Variants in NDUFS4 observed in about 807,000 individuals in gnomAD.
The protein encoded by NDUFS4 is NADH dehydrogenase [ubiquinone] iron-sulfur protein 4, mitochondrial.
Under a neutral mutation model 24.3 loss-of-function variants are expected in NDUFS4, and 28 were observed. The observed-to-expected ratio is 1.15, with a 90% CI of 0.85 to 1.58. The LOEUF is 1.58. NDUFS4 is among the 40% of genes most tolerant of loss of function. The pLI is 0.00. For synonymous variants in NDUFS4, 93 were observed against 69.7 expected, an observed-to-expected ratio of 1.34 and a Z score of -1.67; for missense variants, 223 against 207.9, an observed-to-expected ratio of 1.07 and a Z score of -0.45.
chr5:53,654,598 A>G (rs1352464441), intron 3 of NDUFS4, among the ~76,000 whole-genome samples: 1 of 152,130 alleles, frequency 6.6e-6, no homozygotes, highest in Non-Finnish European at 1.5e-5. Context: ...ATATTTCTGA[A>G]TGGTGCTAAT....
chr5:53,666,286 GGTTA>G (rs1487239762), intron 4 of NDUFS4, among the ~76,000 whole-genome samples: 1 of 152,058 alleles, frequency 6.6e-6, no homozygotes, highest in Non-Finnish European at 1.5e-5. Context: ...TTAAATCCCT[GGTTA>G]GTCTTTCTCT....
intron 2 of NDUFS4, among the ~76,000 whole-genome samples, chr5:53,611,451 T>C (rs1487297758): frequency 6.6e-6 from 1 of 152,052 alleles, no homozygotes; most frequent in Non-Finnish European, 1.5e-5. Flanking sequence ...TGTTTCTAAT[T>C]AGTCAATTTT....
In NDUFS4 at chr5:53,648,960, G is replaced by C. The variant is rs1354081452; in HGVS notation, c.350+2555G>C. On this transcript the variant is annotated intron_variant, in intron 3 of 4. Transcript: ENST00000296684. ...GATGCCCCAGGATATCTGCTTCTTT[G>C]TTACAACTCTAATCATCCTCTTCCA... 7.2e-5 allele frequency among the ~76,000 whole-genome samples: 11 copies of C among 152,238 alleles called. No homozygotes were observed. In the East Asian group the frequency reaches 2.1e-3, roughly 29 times the overall value.
intron 2 of NDUFS4, among the ~76,000 whole-genome samples, chr5:53,615,350 T>C (rs903392664): frequency 1.3e-5 from 2 of 151,974 alleles, no homozygotes; most frequent in African/African-American, 4.8e-5. Context: ...GTGACAATTA[T>C]ATTTTCTTTT....
At chr5:53,582,241 A>T (rs2932701) in intron 1 of NDUFS4, among the ~76,000 whole-genome samples, 17,979 of 133,804 alleles carry the variant, frequency 0.13, 1,157 homozygotes, top group Non-Finnish European at 0.15. Context: ...AAAATAAAAT[A>T]AAATTAAATT....
At chr5:53,675,172 T>C (rs2111587399) in intron 4 of NDUFS4, among the ~76,000 whole-genome samples, 1 of 145,694 alleles carries the variant, frequency 6.9e-6, no homozygotes, top group East Asian at 2.0e-4. Flanking sequence ...TTTTTTTTTT[T>C]TTTTTTTGAG....
At chr5:53,632,429 T>A (rs1344083214) in intron 2 of NDUFS4, among the ~76,000 whole-genome samples, 1 of 152,192 alleles carries the variant, frequency 6.6e-6, no homozygotes, top group African/African-American at 2.4e-5. Flanking sequence ...CTCTGACTTG[T>A]TAGAACTTCT....
intron 3 of NDUFS4, among the ~76,000 whole-genome samples, chr5:53,648,041 A>C (rs2112509645): frequency 6.6e-6 from 1 of 152,356 alleles, no homozygotes; most frequent in East Asian, 1.9e-4. Context: ...TTATAAGATT[A>C]GTTATAATTC....
intron 1 of NDUFS4, among the ~76,000 whole-genome samples, chr5:53,583,023 G>A (rs977424972): frequency 2.6e-5 from 4 of 151,960 alleles, no homozygotes; most frequent in Non-Finnish European, 5.9e-5. Flanking sequence ...GAGTACAGGC[G>A]CCCGCCACCA....
intron 2 of NDUFS4, among the ~76,000 whole-genome samples, chr5:53,628,764 CTCT>C (rs925222135): frequency 2.3e-4 from 35 of 151,974 alleles, no homozygotes; most frequent in African/African-American, 7.2e-4. Flanking sequence ...TGATTCTTCT[CTCT>C]TCTTTGTTAG....
At chr5:53,591,404 A>G (rs1749950548) in intron 1 of NDUFS4, among the ~76,000 whole-genome samples, 1 of 134,156 alleles carries the variant, frequency 7.5e-6, no homozygotes, top group Non-Finnish European at 1.5e-5. Context: ...GCAGTGAGCA[A>G]GTGTTCCATT....
intron 4 of NDUFS4, among the ~76,000 whole-genome samples, chr5:53,663,080 C>G (rs1401327554): frequency 6.6e-6 from 1 of 152,016 alleles, no homozygotes; most frequent in African/African-American, 2.4e-5. Context: ...TCATTATGTA[C>G]CCAGTAGTCA....
intron 2 of NDUFS4, among the ~76,000 whole-genome samples, chr5:53,637,314 T>G (rs1036186500): frequency 6.6e-6 from 1 of 152,218 alleles, no homozygotes; most frequent in Non-Finnish European, 1.5e-5. Context: ...GGCCAGTTTT[T>G]TTACCCCTAA....
At chr5:53,566,657 G>T (rs1749036805) in intron 1 of NDUFS4, among the ~76,000 whole-genome samples, 1 of 152,036 alleles carries the variant, frequency 6.6e-6, no homozygotes, top group African/African-American at 2.4e-5. Context: ...ATTTAAGATG[G>T]TGTAGTATTT....
At chr5:53,572,851 G>A (rs1051784475) in intron 1 of NDUFS4, among the ~76,000 whole-genome samples, 1 of 151,544 alleles carries the variant, frequency 6.6e-6, no homozygotes, top group African/African-American at 2.4e-5. Context: ...TCACCATGTT[G>A]GCCAGGCTGG....
chr5:53,677,705 G>C lies in NDUFS4; in HGVS notation c.425-5413G>C, dbSNP rs1309437216. On this transcript the variant is annotated intron_variant, in intron 4 of 4. Transcript: ENST00000296684. Reference sequence around the variant, plus strand: ...GAATCTTGAAACCTTCCAAGTACCAGTATACCTTGCTTTGGCCTCCCAAAG... The same window carrying C: ...GAATCTTGAAACCTTCCAAGTACCACTATACCTTGCTTTGGCCTCCCAAAG... Among the ~76,000 whole-genome samples the C allele has an allele frequency of 5.9e-5, 9 of 152,172 alleles. No homozygotes were observed. The East Asian group carries it at 1.7e-3, about 29-fold the overall frequency.
chr5:53,586,208 AATCCTAGCTACTCAGG>A (rs1304614148), intron 1 of NDUFS4, among the ~76,000 whole-genome samples: 2 of 151,136 alleles, frequency 1.3e-5, no homozygotes, highest in African/African-American at 4.9e-5. Flanking sequence ...AGGTGCCTGT[AATCCTAGCTACTCAGG>A]AGGCTGAGGC....
chr5:53,651,629 A>G (rs561465435), intron 3 of NDUFS4, among the ~76,000 whole-genome samples: 1 of 152,050 alleles, frequency 6.6e-6, no homozygotes, highest in African/African-American at 2.4e-5. Flanking sequence ...GAATGTTAAT[A>G]TTTTAATGTG....
chr5:53,638,851 G>T (rs1561379443), intron 2 of NDUFS4, among the ~76,000 whole-genome samples: 1 of 151,988 alleles, frequency 6.6e-6, no homozygotes, highest in Non-Finnish European at 1.5e-5. Flanking sequence ...TTCTAGTTTT[G>T]CATCAGTGTA....
Sources: gnomAD v4.1 joint callset for allele counts (sites outside exome capture counted in the v4.1 genomes callset) on GRCh38, gnomAD v4.1.1 for gene constraint, MANE v1.5 for transcripts, NCBI Gene and HGNC (gene_info 2026-07-23, HGNC 2026-07-21) for gene names.